MFN1: variants seen among roughly 807,000 people sequenced by gnomAD.
The protein encoded by MFN1 is mitofusin-1.
A neutral mutation model predicts 92.4 loss-of-function variants in MFN1; 65 were observed. That is an observed-to-expected ratio of 0.70 (90% confidence interval 0.58 to 0.86). The LOEUF (loss-of-function observed/expected upper bound fraction) is 0.86, where lower values mean the gene tolerates loss of function less well. Ranked by LOEUF, MFN1 falls within the 40% of genes least tolerant of loss-of-function variation. The probability of loss-of-function intolerance (pLI) is 0.00; values close to 1 mark genes in which losing one functional copy is unlikely to be tolerated. For missense variants in MFN1, 781 were observed against 868.0 expected, an observed-to-expected ratio of 0.90 and a Z score of 1.26; for synonymous variants, 297 against 300.9, an observed-to-expected ratio of 0.99 and a Z score of 0.13.
Position 179,391,972 on chromosome 3 carries a change from T to C in MFN1, c.2148-9T>C, listed in dbSNP as rs1245273266. The C allele has an allele frequency of 1.3e-6, 2 of 1,567,148 alleles. No homozygotes were observed. Among genetic ancestry groups the C allele is most frequent in the African/African-American group, 2.7e-5 (2 of 73,784 alleles). ...AGTAATTAGATTGGTGTTTTATTTT[T>C]TTAATTAGAAATAAAGCTGTTCAAC... On this transcript the variant is annotated splice_polypyrimidine_tract_variant and intron_variant, in intron 17 of 17. Coordinates refer to ENST00000471841, the MANE Select transcript of MFN1 (RefSeq NM_033540.3).
chr3:179,363,849 A>C (rs1166392497), intron 5 of MFN1, among the ~76,000 whole-genome samples: 1 of 152,330 alleles, frequency 6.6e-6, no homozygotes, highest in Admixed American at 6.5e-5. Context: ...CCTCATAAAT[A>C]TGTATACTTA....
intron 3 of MFN1, among the ~76,000 whole-genome samples, chr3:179,354,696 T>A (rs1712280833): frequency 1.3e-5 from 2 of 152,188 alleles, no homozygotes; most frequent in Admixed American, 6.5e-5. Context: ...TTTTTATGGT[T>A]ATTTCTTGAT....
At chr3:179,386,704 TAA>T in intron 16 of MFN1, 75 bp downstream of exon 16, 21 of 1,291,946 alleles carry the variant, frequency 1.6e-5, no homozygotes, top group Non-Finnish European at 2.3e-5. Flanking sequence ...AAGCACAAAA[TAA>T]GTGTATTGCT....
At chr3:179,384,534 G>A (rs1363463146) in intron 14 of MFN1, among the ~76,000 whole-genome samples, 2 of 152,068 alleles carry the variant, frequency 1.3e-5, no homozygotes, top group Non-Finnish European at 2.9e-5. Flanking sequence ...TGCATATTCT[G>A]GATCAAATCC....
Position 179,359,009 on chromosome 3 carries a change from T to A in MFN1, c.411+7T>A. On this transcript the variant is annotated splice_region_variant and intron_variant, in intron 4 of 17. Transcript: ENST00000471841. ...TGAAAAAAAGAGTGTGAAGGTATGA[T>A]CTTTAACCTTTAGCAGAATAATATA... 1 of 1,610,728 alleles carries A rather than the reference T, an allele frequency of 6.2e-7. No individual in the cohort carries two copies. The highest frequency in any genetic ancestry group is 1.1e-5 in the South Asian group (1 of 90,574).
At position 179,368,061 on chromosome 3, in the gene MFN1, T is replaced by C; in HGVS notation, c.933T>C (p.His311=). 1.3e-6 allele frequency: 2 copies of C among 1,573,166 alleles called. No individual in the cohort carries two copies. Among genetic ancestry groups the C allele is most frequent in the Non-Finnish European group, 1.7e-6 (2 of 1,157,846 alleles). The stretch of plus-strand genomic sequence containing the variant: ...GTGTGGCACTTGCTGAAGGATTTCA[T>C]GCAAGATTACAGGAATTTCAGAATT... ...ESGVALAEGF[H]ARLQEFQNFE... Residue 311 remains histidine (H), a synonymous_variant, in exon 9 of 18, where the codon CAT becomes CAC. Transcript: ENST00000471841.
At chr3:179,380,895 G>A (rs896698778) in intron 14 of MFN1, among the ~76,000 whole-genome samples, 1 of 152,030 alleles carries the variant, frequency 6.6e-6, no homozygotes, top group African/African-American at 2.4e-5. Context: ...TACATTTATT[G>A]ATGATGAGGA....
intron 4 of MFN1, among the ~76,000 whole-genome samples, chr3:179,360,297 C>T (rs1489257774): frequency 6.6e-6 from 1 of 152,172 alleles, no homozygotes; most frequent in Non-Finnish European, 1.5e-5. Flanking sequence ...CCACCTTGGC[C>T]TCCCAAAGTG....
intron 9 of MFN1, among the ~76,000 whole-genome samples, chr3:179,368,587 T>G (rs1218209920): frequency 6.6e-6 from 1 of 152,248 alleles, no homozygotes; most frequent in East Asian, 1.9e-4. Flanking sequence ...TTCTCCATAT[T>G]TTGTGCCAAA....
chr3:179,385,072 AT>A (rs879634322), intron 14 of MFN1, among the ~76,000 whole-genome samples: 130 of 143,628 alleles, frequency 9.1e-4, no homozygotes, highest in Middle Eastern at 3.6e-3. Flanking sequence ...CGCTGGGCTA[AT>A]TTTTTTTTTT....
At position 179,349,475 on chromosome 3, in the gene MFN1, G is replaced by T. The variant is rs151105605; in HGVS notation, c.112+512G>T. 4.2e-3 allele frequency among the ~76,000 whole-genome samples: 634 copies of T among 152,160 alleles called. 5 individuals carry two copies. The highest frequency in any genetic ancestry group is 0.015 in the African/African-American group (606 of 41,492). ...AAAAAGGAGTTTCATAACTGTTAAA[G>T]GTGATGAGGAATGTCATGTCTTACT... is the stretch of plus-strand genomic sequence containing the variant. On this transcript the variant is annotated intron_variant, in intron 2 of 17. Transcript: ENST00000471841.
chr3:179,377,477 A>G, intron 12 of MFN1, 29 bp downstream of exon 12: 3 of 1,355,294 alleles, frequency 2.2e-6, no homozygotes, highest in Non-Finnish European at 3.1e-6. Flanking sequence ...AAAATTATTC[A>G]GAGACAGTTT....
chr3:179,378,295 T>C, intron 12 of MFN1, 46 bp from the exon 13 acceptor site: 1 of 1,367,642 alleles, frequency 7.3e-7, no homozygotes, highest in Non-Finnish European at 1.0e-6. Context: ...AAAAACTACA[T>C]ACTTTCTGGA....
intron 15 of MFN1, 93 bp downstream of exon 15, chr3:179,385,814 T>C (rs975165621): frequency 3.3e-5 from 39 of 1,168,144 alleles, no homozygotes; most frequent in Non-Finnish European, 4.4e-5. Context: ...TATTTACTTC[T>C]ATTTATAGGA....
At chr3:179,366,602 CA>C (rs1176000194) in intron 7 of MFN1, among the ~76,000 whole-genome samples, 1 of 152,064 alleles carries the variant, frequency 6.6e-6, no homozygotes, top group Non-Finnish European at 1.5e-5. Flanking sequence ...CATTTTTCCC[CA>C]ATTGGAATTT....
At chr3:179,385,499 A>C (rs558411923) in intron 14 of MFN1, 70 bp from the exon 15 acceptor site, 2 of 1,403,058 alleles carry the variant, frequency 1.4e-6, no homozygotes, top group East Asian at 4.8e-5. Flanking sequence ...CTATAATTTT[A>C]GAGTTTTATA....
chr3:179,373,920 G>A (rs573793480), intron 9 of MFN1, among the ~76,000 whole-genome samples: 9 of 151,826 alleles, frequency 5.9e-5, no homozygotes, highest in Non-Finnish European at 1.0e-4. Flanking sequence ...TGATCTGCCC[G>A]CCTCGGCCTC....
At chr3:179,360,560 A>T (rs75234893) in intron 4 of MFN1, among the ~76,000 whole-genome samples, 27,848 of 152,042 alleles carry the variant, frequency 0.18, 3,102 homozygotes, top group East Asian at 0.36. Flanking sequence ...AAAAAAAAAA[A>T]AAAATAAAAG....
intron 10 of MFN1, 122 bp from the exon 11 acceptor site, chr3:179,376,920 A>G: frequency 2.3e-6 from 2 of 856,384 alleles, no homozygotes; most frequent in East Asian, 5.5e-5. Context: ...TTGAGATGTT[A>G]CAAGTTTTTT....
Sources: gnomAD v4.1 joint callset for allele counts (sites outside exome capture counted in the v4.1 genomes callset) on GRCh38, gnomAD v4.1.1 for gene constraint, MANE v1.5 for transcripts, NCBI Gene and HGNC (gene_info 2026-07-23, HGNC 2026-07-21) for gene names.